NINL: variants seen among roughly 807,000 people sequenced by gnomAD.
NINL encodes the protein ninein-like protein.
A neutral mutation model predicts 160.3 loss-of-function variants in NINL; 153 were observed. That is an observed-to-expected ratio of 0.95 (90% confidence interval 0.84 to 1.09). NINL has a LOEUF of 1.09. Ranked by LOEUF, NINL falls within the 50% of genes least tolerant of loss-of-function variation. The pLI, the probability that NINL is intolerant of heterozygous loss-of-function variation, is 0.00. For missense variants in NINL, 1,829 were observed against 1,764.0 expected (o/e 1.04, Z -0.66); for synonymous variants, 800 against 734.8 (o/e 1.09, Z -1.43).
intron 2 of NINL, among the ~76,000 whole-genome samples, chr20:25,520,201 T>G (rs1487965081): frequency 6.6e-6 from 1 of 152,138 alleles, no homozygotes. Flanking sequence ...GAATATTCAC[T>G]GACCTGTACA....
chr20:25,504,758 C>T (rs1213334809), intron 6 of NINL, 130 bp downstream of exon 6: 12 of 978,694 alleles, frequency 1.2e-5, no homozygotes, highest in Non-Finnish European at 1.8e-5. Context: ...CCAAGAGCCA[C>T]CAAAGGATTT....
At position 25,487,059 on chromosome 20, in the gene NINL, G is replaced by A. The variant is rs193110013; in HGVS notation, c.1677+2185C>T. On this transcript the variant is annotated intron_variant, in intron 13 of 23. Coordinates refer to ENST00000278886, the MANE Select transcript of NINL (RefSeq NM_025176.6). ...TGATGTGGCCTTAAGATTCACACAC[G>A]GAAAGAATGAGCTGTAACTAAAACC... 5.6e-4 allele frequency among the ~76,000 whole-genome samples: 85 copies of A among 152,200 alleles called. 1 individual carries two copies. Among genetic ancestry groups the A allele is most frequent in the African/African-American group, 1.8e-3 (76 of 41,530 alleles).
intron 17 of NINL, among the ~76,000 whole-genome samples, chr20:25,473,774 A>G (rs1353352299): frequency 6.6e-6 from 1 of 152,074 alleles, no homozygotes; most frequent in Admixed American, 6.5e-5. Flanking sequence ...AGGCTGATGC[A>G]GGACAATTGC....
intron 10 of NINL, among the ~76,000 whole-genome samples, chr20:25,491,794 C>T (rs1402649629): frequency 6.6e-6 from 1 of 152,256 alleles, no homozygotes; most frequent in Non-Finnish European, 1.5e-5. Context: ...GCGAGGAGCA[C>T]AGCTCCCTGG....
chr20:25,490,536 G>A (rs538978930), intron 11 of NINL, among the ~76,000 whole-genome samples: 105 of 150,200 alleles, frequency 7.0e-4, no homozygotes, highest in Middle Eastern at 3.4e-3. Context: ...CTCTAGCCTG[G>A]GCGACAGAGC....
At chr20:25,503,887 A>G (rs1005601613) in intron 7 of NINL, 65 bp downstream of exon 7, 2 of 1,587,426 alleles carry the variant, frequency 1.3e-6, no homozygotes, top group Non-Finnish European at 1.7e-6. Flanking sequence ...GGGAGTCAGC[A>G]GTTTTAGTCA....
At chr20:25,549,605 A>C (rs1600325454) in intron 1 of NINL, among the ~76,000 whole-genome samples, 1 of 152,216 alleles carries the variant, frequency 6.6e-6, no homozygotes, top group East Asian at 1.9e-4. Context: ...TTTTTATTTT[A>C]CATCCAAACA....
At chr20:25,573,869 A>G (rs748986345) in intron 1 of NINL, among the ~76,000 whole-genome samples, 1 of 152,204 alleles carries the variant, frequency 6.6e-6, no homozygotes, top group Non-Finnish European at 1.5e-5. Context: ...GTGACTAGGG[A>G]CCCTGGAGCA....
chr20:25,496,924 G>A (rs2063767610), intron 9 of NINL, 121 bp from the exon 10 acceptor site: 9 of 1,291,726 alleles, frequency 7.0e-6, no homozygotes, highest in South Asian at 4.3e-5. Flanking sequence ...ACTATACAGC[G>A]GGCACTGCTC....
At chr20:25,469,674 C>T (rs149216542) in intron 18 of NINL, among the ~76,000 whole-genome samples, 5 of 152,292 alleles carry the variant, frequency 3.3e-5, no homozygotes, top group Admixed American at 6.5e-5. Context: ...CTAAGTGCGA[C>T]GTGCATCATC....
At chr20:25,455,427 T>A (rs1185955961) in intron 23 of NINL, among the ~76,000 whole-genome samples, 1 of 152,210 alleles carries the variant, frequency 6.6e-6, no homozygotes, top group Non-Finnish European at 1.5e-5. Context: ...GATGCCTGAA[T>A]GACTACATGA....
chr20:25,559,641 T>C (rs1247675676), intron 1 of NINL, among the ~76,000 whole-genome samples: 4 of 150,842 alleles, frequency 2.7e-5, no homozygotes, highest in Non-Finnish European at 5.9e-5. Flanking sequence ...TAGTCTGTCA[T>C]CCAGGCTGGA....
chr20:25,494,057 C>A (rs904102892), intron 10 of NINL, among the ~76,000 whole-genome samples: 1 of 151,954 alleles, frequency 6.6e-6, no homozygotes, highest in Non-Finnish European at 1.5e-5. Flanking sequence ...ACAGGCCGCA[C>A]AGGCCCCATG....
At chr20:25,454,523 G>A (rs1190127456) in intron 23 of NINL, among the ~76,000 whole-genome samples, 3 of 152,170 alleles carry the variant, frequency 2.0e-5, no homozygotes, top group Non-Finnish European at 4.4e-5. Context: ...AGGACGGGTG[G>A]CCCCAGGGAG....
chr20:25,515,243 C>G (rs1488539608), intron 3 of NINL, among the ~76,000 whole-genome samples: 1 of 152,208 alleles, frequency 6.6e-6, no homozygotes, highest in Non-Finnish European at 1.5e-5. Context: ...GACATGGAGT[C>G]AAAGGAAATT....
At chr20:25,458,561 G>T (rs1273885057) in intron 21 of NINL, 32 bp from the exon 22 acceptor site, 3 of 1,535,674 alleles carry the variant, frequency 2.0e-6, no homozygotes, top group African/African-American at 2.7e-5. Flanking sequence ...GCTCTGGTGG[G>T]GCTGCTGAGA....
intron 13 of NINL, among the ~76,000 whole-genome samples, chr20:25,487,836 A>T (rs1002880889): frequency 1.3e-5 from 2 of 152,314 alleles, no homozygotes; most frequent in African/African-American, 4.8e-5. Flanking sequence ...GACCATGGGG[A>T]GCTGGCTGGG....
At chr20:25,495,065 G>A (rs1473258950) in intron 10 of NINL, among the ~76,000 whole-genome samples, 4 of 152,118 alleles carry the variant, frequency 2.6e-5, no homozygotes, top group African/African-American at 7.2e-5. Flanking sequence ...TGGCTGTTAC[G>A]TGAGGCGACC....
intron 1 of NINL, among the ~76,000 whole-genome samples, chr20:25,576,132 T>C (rs1255202201): frequency 6.6e-6 from 1 of 152,198 alleles, no homozygotes; most frequent in Non-Finnish European, 1.5e-5. Context: ...CCAGTCCAGT[T>C]TCCAATTCAG....
Sources: allele counts gnomAD v4.1 joint callset (sites outside exome capture counted in the v4.1 genomes callset), GRCh38; gene constraint gnomAD v4.1.1; transcripts MANE v1.5; gene names NCBI Gene and HGNC (gene_info 2026-07-23, HGNC 2026-07-21).